The following SRBD1 variants were observed in gnomAD, a reference collection of about 807,000 sequenced individuals.
The protein encoded by SRBD1 is S1 RNA-binding domain-containing protein 1.
In SRBD1, 88 loss-of-function variants were observed where a neutral mutation model predicts 115.3. The observed-to-expected ratio is 0.76, with a 90% CI of 0.64 to 0.91. SRBD1 has a LOEUF of 0.91. Ranked by LOEUF, SRBD1 falls within the 40% of genes least tolerant of loss-of-function variation. SRBD1 has a pLI of 0.00. For synonymous variants in SRBD1, 509 were observed against 407.7 expected (o/e 1.25, Z -2.99); for missense variants, 1,385 against 1,177.4 (o/e 1.18, Z -2.58).
intron 16 of SRBD1, among the ~76,000 whole-genome samples, chr2:45,465,464 T>A (rs892062394): frequency 1.3e-5 from 2 of 152,102 alleles, no homozygotes; most frequent in Non-Finnish European, 2.9e-5. Flanking sequence ...GTCAAAATTC[T>A]GATGGGAAAT....
At chr2:45,461,083 C>T (rs933193972) in intron 16 of SRBD1, among the ~76,000 whole-genome samples, 2 of 152,170 alleles carry the variant, frequency 1.3e-5, no homozygotes, top group Admixed American at 6.5e-5. Flanking sequence ...TTAAACTACA[C>T]AAATAATGTA....
intron 15 of SRBD1, among the ~76,000 whole-genome samples, chr2:45,477,651 G>T (rs141266325): frequency 0.013 from 1,942 of 152,262 alleles, 20 homozygotes; most frequent in Admixed American, 0.033. Flanking sequence ...CTGGGCTCAA[G>T]CAATCCTCTT....
intron 14 of SRBD1, among the ~76,000 whole-genome samples, chr2:45,513,826 C>G (rs1671043954): frequency 1.3e-5 from 2 of 151,990 alleles, no homozygotes; most frequent in Middle Eastern, 3.4e-3. Context: ...GTCTCCTCAA[C>G]CAAAGATAAA....
At chr2:45,526,011 G>T (rs1215312668) in intron 14 of SRBD1, among the ~76,000 whole-genome samples, 1 of 152,006 alleles carries the variant, frequency 6.6e-6, no homozygotes, top group African/African-American at 2.4e-5. Context: ...ATACACTGCT[G>T]GTGGGAATGC....
chr2:45,466,760 C>G (rs1437958438), intron 16 of SRBD1, among the ~76,000 whole-genome samples: 1 of 152,276 alleles, frequency 6.6e-6, no homozygotes, highest in Admixed American at 6.5e-5. Flanking sequence ...CTGGCATGTC[C>G]TAATTTTCCT....
At chr2:45,465,021 A>T (rs1050350211) in intron 16 of SRBD1, among the ~76,000 whole-genome samples, 5 of 138,234 alleles carry the variant, frequency 3.6e-5, no homozygotes, top group African/African-American at 1.3e-4. Flanking sequence ...ACACACACAC[A>T]CACACACACA....
At chr2:45,510,739 C>T (rs1670940190) in intron 14 of SRBD1, among the ~76,000 whole-genome samples, 1 of 152,148 alleles carries the variant, frequency 6.6e-6, no homozygotes, top group Admixed American at 6.5e-5. Flanking sequence ...TAGCTCAATC[C>T]AAAGAGTAGC....
At chr2:45,529,346 G>C (rs1305234039) in intron 14 of SRBD1, among the ~76,000 whole-genome samples, 10 of 151,796 alleles carry the variant, frequency 6.6e-5, no homozygotes. Flanking sequence ...AAAATGAAGA[G>C]TAGAAACAAA....
At position 45,585,825 on chromosome 2, in the gene SRBD1, A is replaced by G. The variant is rs377741485; in HGVS notation, c.649-51T>C. ...TTAAAATGCTGAAAATTAAACATCTATATCATGTATAATTTAAAACATAGT... is the reference window on the plus strand; with the variant it reads ...TTAAAATGCTGAAAATTAAACATCTGTATCATGTATAATTTAAAACATAGT... On this transcript the variant is annotated intron_variant, in intron 4 of 20. Transcript: ENST00000263736. 2.9e-5 allele frequency: 40 copies of G among 1,380,296 alleles called. No individual in the cohort carries two copies. In the African/African-American group the frequency reaches 4.0e-4, roughly 14 times the overall value. The allele number at this position is 1,380,296 out of a possible 1,614,324, so 85.5% of individuals were successfully genotyped here.
chr2:45,563,356 A>G (rs1448393866), intron 9 of SRBD1, among the ~76,000 whole-genome samples: 1 of 151,992 alleles, frequency 6.6e-6, no homozygotes, highest in African/African-American at 2.4e-5. Flanking sequence ...CAATCTGTCC[A>G]TGCTCTTAAT....
At chr2:45,551,042 T>G (rs1412868027) in intron 12 of SRBD1, 83 bp downstream of exon 12, 1 of 1,475,838 alleles carries the variant, frequency 6.8e-7, no homozygotes, top group African/African-American at 1.4e-5. Flanking sequence ...ATTAACATTA[T>G]TTCCAAATCC....
chr2:45,472,304 G>C (rs1331335526), intron 16 of SRBD1, among the ~76,000 whole-genome samples: 1 of 152,134 alleles, frequency 6.6e-6, no homozygotes, highest in Non-Finnish European at 1.5e-5. Flanking sequence ...TGTTGTCTGG[G>C]GCTGGTAAAG....
intron 18 of SRBD1, among the ~76,000 whole-genome samples, chr2:45,415,691 GAGGAGAGGAGAGGAGA>G: frequency 4.2e-4 from 1 of 2,378 alleles, no homozygotes; most frequent in East Asian, 4.4e-3. Flanking sequence ...GGGGACGGGA[GAGGAGAGGAGAGGAGA>G]GGAGAGGAGA....
At chr2:45,543,872 T>A (rs1672025493) in intron 14 of SRBD1, among the ~76,000 whole-genome samples, 2 of 152,066 alleles carry the variant, frequency 1.3e-5, no homozygotes, top group African/African-American at 4.8e-5. Flanking sequence ...ACCACACGGG[T>A]AGATTTTAAA....
chr2:45,483,984 G>C (rs1012185948), intron 15 of SRBD1, among the ~76,000 whole-genome samples: 3 of 151,980 alleles, frequency 2.0e-5, no homozygotes, highest in African/African-American at 7.2e-5. Flanking sequence ...ATTCATAGAT[G>C]ATGTACCTAA....
chr2:45,507,443 C>G (rs973277962), intron 14 of SRBD1, among the ~76,000 whole-genome samples: 1 of 152,014 alleles, frequency 6.6e-6, no homozygotes, highest in African/African-American at 2.4e-5. Flanking sequence ...TTAGGCTGGG[C>G]GCGGCGGCTC....
chr2:45,610,732 C>G (rs991509250), intron 1 of SRBD1, among the ~76,000 whole-genome samples: 6 of 152,140 alleles, frequency 3.9e-5, no homozygotes, highest in African/African-American at 1.4e-4. Flanking sequence ...AAGGGTGCTT[C>G]CTCTCCCACC....
At chr2:45,422,603 T>C (rs974710692) in intron 16 of SRBD1, among the ~76,000 whole-genome samples, 1 of 152,222 alleles carries the variant, frequency 6.6e-6, no homozygotes, top group Non-Finnish European at 1.5e-5. Context: ...GAATACAACA[T>C]AAATTGGTCA....
chr2:45,511,605 G>C (rs1286544970), intron 14 of SRBD1, among the ~76,000 whole-genome samples: 1 of 152,220 alleles, frequency 6.6e-6, no homozygotes, highest in African/African-American at 2.4e-5. Context: ...CAAATGACCT[G>C]TGGCTACTAG....
Sources: allele counts gnomAD v4.1 joint callset (sites outside exome capture counted in the v4.1 genomes callset), GRCh38; gene constraint gnomAD v4.1.1; transcripts MANE v1.5; gene names NCBI Gene and HGNC (gene_info 2026-07-23, HGNC 2026-07-21).